Variants in CDH23 observed in about 807,000 individuals in gnomAD.
CDH23 encodes cadherin-23.
CDH23 carries 189 observed loss-of-function variants against 317.1 expected under a neutral mutation model. That is an observed-to-expected ratio of 0.60 (90% CI 0.53 to 0.67). The LOEUF is 0.67. CDH23 is among the 30% of genes least tolerant of loss of function. The pLI is 0.00. For synonymous variants in CDH23, 1,839 were observed against 1,876.8 expected (o/e 0.98, Z 0.52); for missense variants, 4,401 against 4,592.4 (o/e 0.96, Z 1.20).
intron 3 of CDH23, among the ~76,000 whole-genome samples, chr10:71,499,884 G>A (rs1057089171): frequency 5.3e-5 from 8 of 151,984 alleles, no homozygotes; most frequent in Admixed American, 5.2e-4. Flanking sequence ...AGGTGTGGTG[G>A]CACCCGCTTG....
At chr10:71,694,388 A>G in intron 21 of CDH23, 129 bp downstream of exon 21, 1 of 704,832 alleles carries the variant, frequency 1.4e-6, no homozygotes, top group East Asian at 2.8e-5. Context: ...GGGGGCGAAA[A>G]TGAACCCATC....
chr10:71,441,623 G>A (rs1849883997), intron 2 of CDH23, among the ~76,000 whole-genome samples: 1 of 152,100 alleles, frequency 6.6e-6, no homozygotes, highest in African/African-American at 2.4e-5. Context: ...TTGGGAGGCT[G>A]AGGCACAAGA....
intron 18 of CDH23, among the ~76,000 whole-genome samples, chr10:71,685,388 C>T (rs182916419): frequency 2.0e-5 from 3 of 152,366 alleles, no homozygotes; most frequent in Admixed American, 2.0e-4. Flanking sequence ...AAGGCAGGGA[C>T]TGGAGCATCT....
intron 18 of CDH23, among the ~76,000 whole-genome samples, chr10:71,683,730 G>A (rs978668979): frequency 1.3e-5 from 2 of 152,148 alleles, no homozygotes; most frequent in Non-Finnish European, 2.9e-5. Flanking sequence ...TGGAGTCCTT[G>A]TGCCTGGCAC....
intron 32 of CDH23, 177 bp downstream of exon 32, chr10:71,732,552 A>T: frequency 7.6e-7 from 1 of 1,314,536 alleles, no homozygotes; most frequent in Non-Finnish European, 1.0e-6. Context: ...AGATTGCTTC[A>T]GCTCAGGAGT....
intron 38 of CDH23, among the ~76,000 whole-genome samples, chr10:71,754,869 A>G (rs184576224): frequency 5.9e-5 from 9 of 152,218 alleles, no homozygotes; most frequent in African/African-American, 2.2e-4. Context: ...TCAGTCAGTT[A>G]TGTAACCCCA....
intron 11 of CDH23, among the ~76,000 whole-genome samples, chr10:71,635,606 G>A (rs1862231131): frequency 6.6e-6 from 1 of 151,774 alleles, no homozygotes; most frequent in South Asian, 2.1e-4. Flanking sequence ...CTGGCTGAGA[G>A]GTACAGGAAG....
rs1191493602 is a variant in CDH23, at chr10:71,570,874, A to G, written c.709A>G (p.Ile237Val). The change falls in exon 8 of 70, where the codon ATC becomes GTC. Residue 237 changes from isoleucine (I) to valine (V), a missense_variant. Transcript: ENST00000224721. ...TGTCCAGGACATGGACCCCATCTTCATCAACCTGCCTTACAGCACCAACAT... is the reference window on the plus strand; with the variant it reads ...TGTCCAGGACATGGACCCCATCTTCGTCAACCTGCCTTACAGCACCAACAT... ...TDVQDMDPIF[I>V]NLPYSTNIYE... The G allele has an allele frequency of 6.2e-7, 1 of 1,613,968 alleles. No homozygotes were observed. The highest frequency in any genetic ancestry group is 1.7e-5 in the Admixed American group (1 of 60,024).
chr10:71,792,844 A>T (rs1334266902), intron 47 of CDH23, among the ~76,000 whole-genome samples: 1,474 of 68,672 alleles, frequency 0.021, 25 homozygotes, highest in East Asian at 0.079. Flanking sequence ...AAAAAAAAAA[A>T]AAAAAAAAAT....
intron 6 of CDH23, among the ~76,000 whole-genome samples, chr10:71,555,233 G>A (rs141590760): frequency 2.7e-3 from 415 of 152,282 alleles, no homozygotes; most frequent in Non-Finnish European, 4.4e-3. Context: ...CGAGGGAGGG[G>A]GTGGTACCTG....
rs75740292 is a variant in CDH23, at chr10:71,721,612, C to G, written c.3370-2433C>G. Among the ~76,000 whole-genome samples, 1,407 of 152,266 alleles carry G rather than the reference C, an allele frequency of 9.2e-3. 32 individuals are homozygous for G. Among genetic ancestry groups the G allele is most frequent in the African/African-American group, 0.033 (1,356 of 41,540 alleles). ...ACCCAGGGCCCTTGTTCTTTTTGCT[C>G]CAGTGTACTCGTCCTCCTCCCCACC... is the stretch of plus-strand genomic sequence containing the variant. On this transcript the variant is annotated intron_variant, in intron 28 of 69. Coordinates refer to ENST00000224721, the MANE Select transcript of CDH23 (RefSeq NM_022124.6).
intron 22 of CDH23, 89 bp from the exon 23 acceptor site, chr10:71,701,933 C>T (rs1016451166): frequency 2.8e-6 from 4 of 1,406,378 alleles, no homozygotes; most frequent in African/African-American, 1.4e-5. Flanking sequence ...CTCCCCAGGA[C>T]CAACGTCTGA....
rs865944239 is a variant in CDH23, at chr10:71,592,592, G to A, written c.832+14600G>A. On this transcript the variant is annotated intron_variant, in intron 9 of 69. Coordinates refer to ENST00000224721, the MANE Select transcript of CDH23 (RefSeq NM_022124.6). The stretch of plus-strand genomic sequence containing the variant: ...TGGTCCCATTGCCTTGTCCTCTCCT[G>A]TAGTCAAATTTCCCCCTGCCTCCCT... Among the ~76,000 whole-genome samples, 8 of 152,080 alleles carry A rather than the reference G, an allele frequency of 5.3e-5. No individual in the cohort carries two copies. In the South Asian group the frequency reaches 6.2e-4, roughly 12 times the overall value.
intron 4 of CDH23, among the ~76,000 whole-genome samples, chr10:71,510,430 T>G (rs926674903): frequency 6.6e-6 from 1 of 152,094 alleles, no homozygotes; most frequent in Non-Finnish European, 1.5e-5. Flanking sequence ...TAGAGGTGTC[T>G]CCAAGCAAGC....
intron 53 of CDH23, among the ~76,000 whole-genome samples, chr10:71,801,436 G>A (rs1269327594): frequency 6.6e-6 from 1 of 151,848 alleles, no homozygotes; most frequent in Non-Finnish European, 1.5e-5. Context: ...TTATAGATGT[G>A]AGCCACCGAG....
At chr10:71,682,998 C>CT (rs1343685605) in intron 18 of CDH23, among the ~76,000 whole-genome samples, 1 of 152,134 alleles carries the variant, frequency 6.6e-6, no homozygotes, top group Admixed American at 6.5e-5. Context: ...CCTGCTCTTC[C>CT]TTTTTTTCTT....
chr10:71,688,179 G>C (rs1864985270), intron 19 of CDH23, among the ~76,000 whole-genome samples: 2 of 152,310 alleles, frequency 1.3e-5, no homozygotes, highest in East Asian at 3.9e-4. Flanking sequence ...GGCTCAGGTT[G>C]CAGGGCTCAG....
intron 38 of CDH23, among the ~76,000 whole-genome samples, chr10:71,758,279 C>T (rs1190608289): frequency 1.3e-5 from 2 of 152,162 alleles, no homozygotes; most frequent in Non-Finnish European, 2.9e-5. Context: ...TTTAGCTGAT[C>T]CCCATTCCGG....
intron 6 of CDH23, among the ~76,000 whole-genome samples, chr10:71,556,890 T>C (rs762920394): frequency 3.0e-4 from 46 of 152,200 alleles, no homozygotes; most frequent in Admixed American, 2.6e-4. Flanking sequence ...CTATGAAGGA[T>C]GAGAATTTCA....
Sources: allele counts gnomAD v4.1 joint callset (sites outside exome capture counted in the v4.1 genomes callset), GRCh38; gene constraint gnomAD v4.1.1; transcripts MANE v1.5; gene names NCBI Gene and HGNC (gene_info 2026-07-23, HGNC 2026-07-21).